STARD4: variants seen among roughly 807,000 people sequenced by gnomAD.
The protein encoded by STARD4 is StAR related lipid transfer domain containing 4.
In STARD4, 33 loss-of-function variants were observed where a neutral mutation model predicts 24.9. The ratio of observed to expected loss-of-function variants is 1.32; its 90% CI spans 1.00 to 1.77. STARD4 has a LOEUF of 1.77. Among genes scored for constraint, STARD4 ranks in the 40% most tolerant of loss-of-function variants. The pLI is 0.00. For missense variants in STARD4, 238 were observed against 249.3 expected (o/e 0.95, Z 0.31); for synonymous variants, 88 against 77.4 (o/e 1.14, Z -0.72).
intron 3 of STARD4, 102 bp from the exon 4 acceptor site, chr5:111,502,190 C>T (rs773207532): frequency 5.1e-5 from 70 of 1,376,518 alleles, no homozygotes; most frequent in Non-Finnish European, 6.4e-5. Flanking sequence ...AAAATTAGGC[C>T]GGGTAGGGTG....
At chr5:111,511,934 T>C (rs1362137721) in intron 1 of STARD4, among the ~76,000 whole-genome samples, 1 of 152,192 alleles carries the variant, frequency 6.6e-6, no homozygotes, top group Non-Finnish European at 1.5e-5. Flanking sequence ...GTCTTTGGCA[T>C]CACCTCCGCG....
In STARD4 at chr5:111,496,313, T is replaced by C. The variant is rs1315641986; in HGVS notation, c.*3573A>G. ...CCAACTTCCTGTTTTTTGAAATTATTCTGATGTTTCTTCTACACTCAAGTC... is the reference window on the plus strand; with the variant it reads ...CCAACTTCCTGTTTTTTGAAATTATCCTGATGTTTCTTCTACACTCAAGTC... On this transcript the variant is annotated 3_prime_UTR_variant, in exon 6 of 6. Transcript: ENST00000296632. 2 of 152,068 alleles carry C rather than the reference T, an allele frequency of 1.3e-5. No homozygotes were observed. The highest frequency in any genetic ancestry group is 2.9e-5 in the Non-Finnish European group (2 of 67,980). The allele number at this position is 152,068 out of a possible 1,614,324, so 9.4% of individuals were successfully genotyped here.
rs777504590 is a variant in STARD4, at chr5:111,499,862, A to T, written c.*24T>A. On this transcript the variant is annotated 3_prime_UTR_variant, in exon 6 of 6. Transcript: ENST00000296632. ...GCTGAGAGAGTTGATCTGTAGTACTACAAGTTTGAATGTATTTTGCCTCTC... is the reference window on the plus strand; with the variant it reads ...GCTGAGAGAGTTGATCTGTAGTACTTCAAGTTTGAATGTATTTTGCCTCTC... 2.9e-5 allele frequency: 47 copies of T among 1,600,902 alleles called. No homozygotes were observed. The highest frequency in any genetic ancestry group is 3.9e-5 in the Non-Finnish European group (45 of 1,168,226).
intron 1 of STARD4, among the ~76,000 whole-genome samples, chr5:111,508,832 C>A (rs1757044798): frequency 6.6e-6 from 1 of 151,924 alleles, no homozygotes; most frequent in South Asian, 2.1e-4. Context: ...ACTAACTGAT[C>A]TAAAAATTAA....
At chr5:111,504,688 C>G (rs1756718090) in intron 3 of STARD4, among the ~76,000 whole-genome samples, 1 of 152,116 alleles carries the variant, frequency 6.6e-6, no homozygotes, top group Admixed American at 6.5e-5. Context: ...TAAATCTGCT[C>G]TCTCATCTTG....
rs1318403642 is a variant in STARD4 at position 111,502,090 on chromosome 5, T to C, written c.156-2A>G. On this transcript the variant is annotated splice_acceptor_variant, in intron 3 of 5. Transcript: ENST00000296632. LOFTEE classifies it high-confidence loss of function. ...TCTATAACACCTTGGGCTTTGTAGC[T>C]GGAGAAAAAAAGTTTAAGTCAACCG... The C allele has an allele frequency of 3.1e-6, 5 of 1,607,318 alleles. No individual in the cohort carries two copies. The highest frequency in any genetic ancestry group is 1.7e-4 in the Middle Eastern group (1 of 5,972).
intron 1 of STARD4, among the ~76,000 whole-genome samples, chr5:111,511,573 CAGAAAGGGAAAATAGCA>C (rs137885225): frequency 0.011 from 1,709 of 152,196 alleles, 42 homozygotes; most frequent in African/African-American, 0.039. Context: ...CCCTGTTTTA[CAGAAAGGGAAAATAGCA>C]ACAGGAAGGT....
intron 3 of STARD4, 26 bp from the exon 4 acceptor site, chr5:111,502,114 C>T (rs373809143): frequency 5.4e-5 from 87 of 1,601,490 alleles, no homozygotes; most frequent in South Asian, 4.0e-4. Context: ...TTAAGTCAAC[C>T]GCTGTTACAA....
At chr5:111,508,339 G>A (rs909908250) in intron 1 of STARD4, among the ~76,000 whole-genome samples, 1 of 151,654 alleles carries the variant, frequency 6.6e-6, no homozygotes, top group Non-Finnish European at 1.5e-5. Context: ...ACACTGCCTG[G>A]CACATAGTAG....
intron 2 of STARD4, among the ~76,000 whole-genome samples, 173 bp from the exon 3 acceptor site, chr5:111,506,552 C>T (rs1360387110): frequency 6.6e-6 from 1 of 152,156 alleles, no homozygotes; most frequent in African/African-American, 2.4e-5. Flanking sequence ...TGAATTTCTT[C>T]TGTATCCTAA....
At position 111,500,011 on chromosome 5, in the gene STARD4, T is replaced by C. The variant is rs1274493981; in HGVS notation, c.493A>G (p.Asn165Asp). Residue 165 changes from asparagine to aspartate, a missense_variant, in exon 6 of 6, where the codon AAC becomes GAC. Physicochemically the swap from Asn to Asp is conservative, Grantham distance 23. Coordinates refer to ENST00000296632, the MANE Select transcript of STARD4 (RefSeq NM_139164.3). ...WFCVPLKDNP[N>D]QSLLTGYIQT... ...ATATATCCTGTCAAAAGACTCTGGT[T>C]TGGGTTGTCTTTAAGTGGAACACAA... is the stretch of plus-strand genomic sequence containing the variant. 1.9e-6 allele frequency: 3 copies of C among 1,614,184 alleles called. No homozygotes were observed. The South Asian group carries it at 3.3e-5, about 18-fold the overall frequency.
rs1756827095 is a variant in STARD4, at chr5:111,506,036, CA to C, written c.155+293del. Among the ~76,000 whole-genome samples, 2 of 151,584 alleles carry C rather than the reference CA, an allele frequency of 1.3e-5. 1 individual carries two copies. The highest frequency in any genetic ancestry group is 4.2e-4 in the South Asian group (2 of 4,804). Reference sequence around the variant, plus strand: ...GAAACCCCATCTGTACTAAAAACTACAAAAAAAGTTAGCCAGGCACAGTGGC... The same window carrying C: ...GAAACCCCATCTGTACTAAAAACTACAAAAAAGTTAGCCAGGCACAGTGGC... On this transcript the variant is annotated intron_variant, in intron 3 of 5. Transcript: ENST00000296632.
chr5:111,501,037 T>C lies in STARD4; in HGVS notation c.362A>G (p.Tyr121Cys), dbSNP rs1411659703. ...ISPREFVDFS[Y>C]TVGYKEGLLS... Reference sequence around the variant, plus strand: ...AAGCCCTTCTTTATAGCCCACAGTATAGGAGAAATCAACAAATTCTCTTGG... The same window carrying C: ...AAGCCCTTCTTTATAGCCCACAGTACAGGAGAAATCAACAAATTCTCTTGG... The change falls in exon 5 of 6, where the codon TAT (tyrosine) becomes TGT (cysteine). Residue 121 changes from tyrosine to cysteine, a missense_variant. Physicochemically the swap from Tyr to Cys is radical, Grantham distance 194. Transcript: ENST00000296632. 6.2e-7 allele frequency: 1 copy of C among 1,613,532 alleles called. No homozygotes were observed. The highest frequency in any genetic ancestry group is 1.7e-5 in the Admixed American group (1 of 59,854).
chr5:111,501,586 A>G (rs965216924), intron 4 of STARD4, among the ~76,000 whole-genome samples: 10 of 152,242 alleles, frequency 6.6e-5, no homozygotes, highest in African/African-American at 2.4e-4. Flanking sequence ...TTGGTCATTG[A>G]TGTTGGCTTA....
In STARD4 at chr5:111,507,556, C is replaced by A. The variant is rs1756957852; in HGVS notation, c.-9-114G>T. On this transcript the variant is annotated intron_variant, in intron 1 of 5. Transcript: ENST00000296632. This position sits in a 1 kb window ranked among gnomAD's most constrained non-coding sequence, Gnocchi z 4.4. ...AACCTACCAGAGCTATAAAAGATAG[C>A]TACCCTCACCCCAAATCAACTAATC... 3 of 658,752 alleles carry A rather than the reference C, an allele frequency of 4.6e-6. No homozygotes were observed. In the Admixed American group the frequency reaches 9.8e-5, roughly 22 times the overall value. 40.8% of individuals were successfully genotyped at this position (658,752 alleles called of 1,614,324 possible). A position where few individuals can be genotyped will look rare whatever the true frequency, so the allele number is the denominator to read the frequency against.
At chr5:111,500,729 C>A (rs1164743958) in intron 5 of STARD4, 2 of 1,404,886 alleles carry the variant, frequency 1.4e-6, no homozygotes, top group Middle Eastern at 2.6e-4. Context: ...AATCCATTTA[C>A]TAGAACCCTT....
chr5:111,509,616 T>G (rs571048151), intron 1 of STARD4, among the ~76,000 whole-genome samples: 8 of 152,176 alleles, frequency 5.3e-5, no homozygotes, highest in African/African-American at 1.9e-4. Context: ...AATTATTCAC[T>G]TGTTATCTTC....
intron 1 of STARD4, among the ~76,000 whole-genome samples, chr5:111,510,194 A>G (rs152879): frequency 0.19 from 28,305 of 152,160 alleles, 2,813 homozygotes; most frequent in African/African-American, 0.24. Flanking sequence ...TGAAATAATC[A>G]TTGCCATCAA....
intron 3 of STARD4, among the ~76,000 whole-genome samples, chr5:111,503,220 A>G (rs1243287428): frequency 6.6e-6 from 1 of 152,226 alleles, no homozygotes; most frequent in Non-Finnish European, 1.5e-5. Flanking sequence ...AAAATGTACA[A>G]TTCCATAAAT....
Sources: gnomAD v4.1 joint callset for allele counts (sites outside exome capture counted in the v4.1 genomes callset) on GRCh38, gnomAD v4.1.1 for gene constraint, Gnocchi (gnomAD v3.1) non-coding constraint, MANE v1.5 for transcripts, NCBI Gene and HGNC (gene_info 2026-07-23, HGNC 2026-07-21) for gene names.